Variants in EDA observed in about 807,000 individuals in gnomAD.
The protein encoded by EDA is ectodysplasin A.
In EDA, 2 loss-of-function variants were observed where a neutral mutation model predicts 23.6. The ratio of observed to expected loss-of-function variants is 0.08; its 90% CI spans 0.03 to 0.27. EDA has a LOEUF of 0.27. Ranked by LOEUF, EDA falls within the 10% of genes least tolerant of loss-of-function variation. The probability of loss-of-function intolerance (pLI) is 1.00; values close to 1 mark genes in which losing one functional copy is unlikely to be tolerated. For synonymous variants in EDA, 131 were observed against 132.0 expected (o/e 0.99, Z 0.05); for missense variants, 229 against 324.2 (o/e 0.71, Z 2.26).
chrX:69,978,221 C>T (rs939472066), intron 2 of EDA, among the ~76,000 whole-genome samples: 3 of 102,954 alleles, frequency 2.9e-5, no homozygotes, highest in Admixed American at 1.1e-4. Context: ...CAGTGAGGCA[C>T]GCCTGTAATT....
Position 69,616,479 on chromosome X carries a change from G to A in EDA, c.171G>A (p.Thr57=). Residue 57 remains threonine, a synonymous_variant, in exon 1 of 8, where the codon ACG becomes ACA. Transcript: ENST00000374552. The stretch of plus-strand genomic sequence containing the variant: ...TCTCGCTGGCCCTCCACCTGCTGAC[G>A]TTGTGCTGCTACCTAGAGTTGCGCT... The part of the protein sequence containing the change: ...FGLSLALHLL[T]LCCYLELRSE... The A allele has an allele frequency of 8.3e-7, 1 of 1,212,046 alleles. No individual in the cohort carries two copies. The highest frequency in any genetic ancestry group is 1.8e-5 in the South Asian group (1 of 56,986).
intron 1 of EDA, among the ~76,000 whole-genome samples, chrX:69,664,117 G>T (rs1039974126): frequency 1.8e-5 from 2 of 111,704 alleles, no homozygotes; most frequent in East Asian, 5.6e-4. Flanking sequence ...AGACTTTAGG[G>T]GACTGTTGGG....
At chrX:69,803,302 GT>G (rs914370962) in intron 1 of EDA, among the ~76,000 whole-genome samples, 2 of 107,108 alleles carry the variant, frequency 1.9e-5, no homozygotes, top group Non-Finnish European at 3.9e-5. Flanking sequence ...AGTTTTTTTG[GT>G]TTTTTTTTAA....
intron 1 of EDA, among the ~76,000 whole-genome samples, chrX:69,864,957 C>G (rs755591941): frequency 2.4e-4 from 27 of 111,008 alleles, no homozygotes; most frequent in Non-Finnish European, 5.7e-5. Context: ...CCACTGCACT[C>G]CAGCCTGGGT....
At chrX:69,824,530 C>T (rs1340514717) in intron 1 of EDA, among the ~76,000 whole-genome samples, 1 of 109,377 alleles carries the variant, frequency 9.1e-6, no homozygotes, top group African/African-American at 3.3e-5. Flanking sequence ...AATGCTTGTG[C>T]TTTTTGTACA....
At chrX:69,929,779 A>G (rs2018574118) in intron 1 of EDA, among the ~76,000 whole-genome samples, 1 of 104,125 alleles carries the variant, frequency 9.6e-6, no homozygotes, top group Non-Finnish European at 2.0e-5. Flanking sequence ...ATTCTTCTAA[A>G]ATGGGAGACT....
chrX:69,963,231 A>C (rs1468622490), intron 2 of EDA, among the ~76,000 whole-genome samples: 1 of 112,276 alleles, frequency 8.9e-6, no homozygotes, highest in African/African-American at 3.2e-5. Context: ...ATACAGATGA[A>C]CATGAGAGTC....
At chrX:69,859,604 C>T (rs771412850) in intron 1 of EDA, among the ~76,000 whole-genome samples, 5 of 109,454 alleles carry the variant, frequency 4.6e-5, no homozygotes, top group African/African-American at 9.9e-5. Flanking sequence ...GTTATGATTT[C>T]GGTTCTTTGG....
chrX:69,953,641 T>G (rs778992609), intron 1 of EDA, among the ~76,000 whole-genome samples: 15 of 112,000 alleles, frequency 1.3e-4, no homozygotes, highest in Non-Finnish European at 5.6e-5. Flanking sequence ...CCCAAATGTC[T>G]ATCAATGGGA....
At chrX:70,013,960 A>G (rs1413805228) in intron 2 of EDA, among the ~76,000 whole-genome samples, 1 of 110,808 alleles carries the variant, frequency 9.0e-6, no homozygotes, top group Non-Finnish European at 1.9e-5. Context: ...CAGCTGCCCT[A>G]CCCCAGGCTG....
intron 1 of EDA, among the ~76,000 whole-genome samples, chrX:69,742,477 T>C: frequency 8.9e-6 from 1 of 112,044 alleles, no homozygotes; most frequent in East Asian, 2.8e-4. Context: ...CAAAATGTAG[T>C]AGATTTTCTT....
rs2020258636 is a variant in EDA, at chrX:70,035,698, G to A, written c.*89G>A. On this transcript the variant is annotated 3_prime_UTR_variant, in exon 8 of 8. Coordinates refer to ENST00000374552, the MANE Select transcript of EDA (RefSeq NM_001399.5). ...CCTCTAAGTGCTGCTGTGGAGTGAG[G>A]TGTATTGGTGTTGCAGCCGCAGAGA... 4 of 1,069,301 alleles carry A rather than the reference G, an allele frequency of 3.7e-6. No homozygotes were observed. The highest frequency in any genetic ancestry group is 5.1e-6 in the Non-Finnish European group (4 of 779,154). 88.1% of individuals were successfully genotyped at this position (1,069,301 alleles called of 1,213,427 possible).
chrX:69,950,052 A>T (rs2018891281), intron 1 of EDA, among the ~76,000 whole-genome samples: 1 of 88,352 alleles, frequency 1.1e-5, no homozygotes, highest in Non-Finnish European at 2.2e-5. Flanking sequence ...TGTCTAAAAC[A>T]CCAAAAGCAA....
chrX:69,844,021 CA>C (rs752030655), intron 1 of EDA, among the ~76,000 whole-genome samples: 620 of 61,826 alleles, frequency 0.01, 2 homozygotes, highest in African/African-American at 0.033. Context: ...GACTCTGTCT[CA>C]AAAAAAAAAA....
chrX:70,014,059 G>T (rs1249134144), intron 2 of EDA, among the ~76,000 whole-genome samples: 1 of 112,239 alleles, frequency 8.9e-6, no homozygotes, highest in East Asian at 2.8e-4. Context: ...CACTGCCAAG[G>T]TCCTGGCCCT....
At chrX:69,948,625 C>T (rs917440773) in intron 1 of EDA, among the ~76,000 whole-genome samples, 3 of 112,302 alleles carry the variant, frequency 2.7e-5, no homozygotes, top group African/African-American at 9.7e-5. Context: ...ACATACTGTG[C>T]TTCTATTGTT....
At chrX:69,910,935 T>G (rs1439561010) in intron 1 of EDA, among the ~76,000 whole-genome samples, 1 of 112,121 alleles carries the variant, frequency 8.9e-6, no homozygotes, top group Non-Finnish European at 1.9e-5. Flanking sequence ...TCTGTTAGAA[T>G]GAGTAACATT....
intron 1 of EDA, among the ~76,000 whole-genome samples, chrX:69,717,671 C>T (rs759648106): frequency 1.8e-5 from 2 of 110,416 alleles, no homozygotes; most frequent in African/African-American, 6.6e-5. Flanking sequence ...AGGTGCCCAC[C>T]ACCATGCCTG....
Position 69,833,304 on chromosome X carries a change from G to A in EDA, c.397-123723G>A, listed in dbSNP as rs185953130. On this transcript the variant is annotated intron_variant, in intron 1 of 7. Transcript: ENST00000374552. Reference sequence around the variant, plus strand: ...CTGCATCTGTTGAGATAATCATGTGGTTTTTTTGTTGTTGTTGGTTCTGTG... The same window carrying A: ...CTGCATCTGTTGAGATAATCATGTGATTTTTTTGTTGTTGTTGGTTCTGTG... 2.5e-3 allele frequency among the ~76,000 whole-genome samples: 278 copies of A among 110,693 alleles called. 3 individuals are homozygous for A. Among genetic ancestry groups the A allele is most frequent in the African/African-American group, 8.7e-3 (267 of 30,743 alleles).
Sources: gnomAD v4.1 joint callset for allele counts (sites outside exome capture counted in the v4.1 genomes callset) on GRCh38, gnomAD v4.1.1 for gene constraint, MANE v1.5 for transcripts, NCBI Gene and HGNC (gene_info 2026-07-23, HGNC 2026-07-21) for gene names.